The following EPM2A variants were observed in gnomAD, a reference collection of about 807,000 sequenced individuals.
EPM2A encodes EPM2A glucan phosphatase, laforin, also known as laforin.
In EPM2A, 21 loss-of-function variants were observed where a neutral mutation model predicts 26.5. The ratio of observed to expected loss-of-function variants is 0.79; its 90% CI spans 0.56 to 1.14. EPM2A has a LOEUF of 1.14. EPM2A is among the 50% of genes most tolerant of loss of function. The pLI, the probability that EPM2A is intolerant of heterozygous loss-of-function variation, is 0.00. For missense variants in EPM2A, 458 were observed against 440.8 expected, an observed-to-expected ratio of 1.04 and a Z score of -0.35; for synonymous variants, 217 against 177.6, an observed-to-expected ratio of 1.22 and a Z score of -1.76.
At chr6:145,562,084 GA>G (rs1780813370) in intron 2 of EPM2A, among the ~76,000 whole-genome samples, 2 of 71,794 alleles carry the variant, frequency 2.8e-5, no homozygotes, top group African/African-American at 4.8e-5. Context: ...CATTTTTGAA[GA>G]AAAAAATGCA....
intron 4 of EPM2A, among the ~76,000 whole-genome samples, chr6:145,417,049 A>C (rs1778718258): frequency 6.6e-6 from 1 of 152,176 alleles, no homozygotes; most frequent in Admixed American, 6.5e-5. Flanking sequence ...AGCTAAGCAG[A>C]CCCAGCCTTG....
chr6:145,657,074 A>G (rs1315716923), intron 2 of EPM2A, among the ~76,000 whole-genome samples: 1 of 149,034 alleles, frequency 6.7e-6, no homozygotes, highest in Non-Finnish European at 1.5e-5. Context: ...GAAAAAAATA[A>G]GCCCGTCATT....
intron 3 of EPM2A, chr6:145,501,869 T>A (rs917573549): frequency 2.1e-5 from 10 of 471,014 alleles, no homozygotes; most frequent in African/African-American, 2.0e-4. Flanking sequence ...CAGGGATAGA[T>A]ACAGGTAGAG....
intron 2 of EPM2A, among the ~76,000 whole-genome samples, chr6:145,609,105 A>C (rs1443868366): frequency 6.6e-6 from 1 of 152,212 alleles, no homozygotes; most frequent in Non-Finnish European, 1.5e-5. Flanking sequence ...TTTAGTCAGA[A>C]GAGTAAGGAA....
chr6:145,493,971 T>G (rs1482717980), intron 4 of EPM2A, among the ~76,000 whole-genome samples: 1 of 152,206 alleles, frequency 6.6e-6, no homozygotes, highest in Non-Finnish European at 1.5e-5. Flanking sequence ...CTGCCATGTT[T>G]TGGTATCAAG....
At chr6:145,488,367 T>C (rs1779704850) in intron 4 of EPM2A, among the ~76,000 whole-genome samples, 1 of 152,102 alleles carries the variant, frequency 6.6e-6, no homozygotes, top group South Asian at 2.1e-4. Context: ...TCAATGGTAG[T>C]TCGATAGGAA....
At position 145,534,069 on chromosome 6, in the gene EPM2A, C is replaced by T. The variant is rs1381099091; in HGVS notation, c.341-31494G>A. Among the ~76,000 whole-genome samples, 3 of 138,426 alleles carry T rather than the reference C, an allele frequency of 2.2e-5. No homozygotes were observed. In the Admixed American group the frequency reaches 2.2e-4, roughly 10 times the overall value. 90.8% of individuals were successfully genotyped at this position (138,426 alleles called of 152,430 possible). On this transcript the variant is annotated intron_variant, in intron 2 of 3. Transcript: ENST00000450221. ...ATAAAATTTGTTATGGTTTCACTTA[C>T]TTATTCTCTTTATTCCAATAATAAA...
intron 2 of EPM2A, among the ~76,000 whole-genome samples, chr6:145,661,676 A>G (rs1216677202): frequency 1.3e-5 from 2 of 152,232 alleles, no homozygotes; most frequent in African/African-American, 4.8e-5. Context: ...GAAACTAGGC[A>G]TATGAATGTT....
At chr6:145,710,087 C>G (rs944856507) in intron 1 of EPM2A, among the ~76,000 whole-genome samples, 1 of 152,038 alleles carries the variant, frequency 6.6e-6, no homozygotes, top group African/African-American at 2.4e-5. Flanking sequence ...ACACCAAAAG[C>G]AATGGCAACA....
chr6:145,429,294 A>C (rs1778891399), intron 4 of EPM2A, among the ~76,000 whole-genome samples: 1 of 152,140 alleles, frequency 6.6e-6, no homozygotes, highest in Non-Finnish European at 1.5e-5. Flanking sequence ...AAAATCAACT[A>C]TATTTTAATA....
intron 2 of EPM2A, among the ~76,000 whole-genome samples, chr6:145,547,126 T>C (rs1350332296): frequency 6.6e-6 from 1 of 152,108 alleles, no homozygotes; most frequent in Non-Finnish European, 1.5e-5. Flanking sequence ...CTGACAGCTA[T>C]AAATAAACCA....
intron 2 of EPM2A, among the ~76,000 whole-genome samples, chr6:145,507,388 C>T (rs927325416): frequency 7.2e-5 from 11 of 152,154 alleles, no homozygotes; most frequent in South Asian, 4.1e-4. Context: ...GCAGCCCTTG[C>T]GACAGCATTC....
At chr6:145,716,942 T>C (rs1398592266) in intron 1 of EPM2A, among the ~76,000 whole-genome samples, 2 of 152,166 alleles carry the variant, frequency 1.3e-5, no homozygotes, top group African/African-American at 4.8e-5. Context: ...GATCCTATTT[T>C]TCATTAAATA....
At chr6:145,575,239 C>CA in intron 2 of EPM2A, among the ~76,000 whole-genome samples, 1 of 152,044 alleles carries the variant, frequency 6.6e-6, no homozygotes, top group Non-Finnish European at 1.5e-5. Flanking sequence ...TTTACTCTGG[C>CA]AAAAAAGGTA....
chr6:145,435,804 A>C (rs189349100), intron 4 of EPM2A, among the ~76,000 whole-genome samples: 1 of 152,204 alleles, frequency 6.6e-6, no homozygotes, highest in East Asian at 1.9e-4. Flanking sequence ...TAATTCATAA[A>C]CTTTATTTTT....
chr6:145,731,585 T>A (rs1012725076), intron 1 of EPM2A, among the ~76,000 whole-genome samples: 49 of 152,110 alleles, frequency 3.2e-4, no homozygotes, highest in African/African-American at 1.1e-3. Context: ...AGAGAACACA[T>A]GGACACAGAG....
At position 145,427,013 on chromosome 6, in the gene EPM2A, T is replaced by G. The variant is rs550304444; in HGVS notation, c.556-42916A>C. 5.9e-5 allele frequency among the ~76,000 whole-genome samples: 9 copies of G among 152,284 alleles called. No individual in the cohort carries two copies. The East Asian group carries it at 1.7e-3, about 29-fold the overall frequency. On this transcript the variant is annotated intron_variant, in intron 4 of 4. Transcript: ENST00000638717. ...AAAAGCTTTGAAAGGGGAAAGAACA[T>G]TTTTCTTTATATTTGGTGGCAATTT...
At position 145,722,583 on chromosome 6, in the gene EPM2A, C is replaced by T. The variant is rs181084380; in HGVS notation, c.301+12615G>A. On this transcript the variant is annotated intron_variant, in intron 1 of 3. Transcript: ENST00000367519. ...TGGAAGGGAATACTAAATCATAACC[C>T]GAAATGTTAGAATAATTTGGTGAAT... is the stretch of plus-strand genomic sequence containing the variant. Among the ~76,000 whole-genome samples the T allele has an allele frequency of 1.2e-3, 186 of 152,084 alleles. 1 individual carries two copies. The highest frequency in any genetic ancestry group is 2.4e-3 in the African/African-American group (99 of 41,478).
intron 2 of EPM2A, among the ~76,000 whole-genome samples, chr6:145,650,060 G>A (rs763824964): frequency 1.3e-5 from 2 of 152,078 alleles, no homozygotes; most frequent in Non-Finnish European, 1.5e-5. Context: ...GGAGGCTCTC[G>A]ATGATAAGGA....
Sources: gnomAD v4.1 joint callset for allele counts (sites outside exome capture counted in the v4.1 genomes callset) on GRCh38, gnomAD v4.1.1 for gene constraint, MANE v1.5 for transcripts, NCBI Gene and HGNC (gene_info 2026-07-23, HGNC 2026-07-21) for gene names.